The following EPHA6 variants were observed in gnomAD, a reference collection of about 807,000 sequenced individuals.
The protein encoded by EPHA6 is ephrin type-A receptor 6.
In EPHA6, 50 loss-of-function variants were observed where a neutral mutation model predicts 112.0. The observed-to-expected ratio is 0.45, with a 90% CI of 0.36 to 0.56. The LOEUF (loss-of-function observed/expected upper bound fraction) is 0.56. Among genes scored for constraint, EPHA6 ranks in the 20% least tolerant of loss-of-function variants. EPHA6 has a pLI of 0.00. For synonymous variants in EPHA6, 529 were observed against 490.7 expected (o/e 1.08, Z -1.03); for missense variants, 1,280 against 1,417.4 (o/e 0.90, Z 1.56).
chr3:96,832,684 T>G (rs955838112), intron 1 of EPHA6, among the ~76,000 whole-genome samples: 1 of 152,072 alleles, frequency 6.6e-6, no homozygotes, highest in Admixed American at 6.6e-5. Context: ...CTTTTAAAAA[T>G]AAATTGATTC....
chr3:97,012,583 A>ATATG (rs939218226), intron 3 of EPHA6, among the ~76,000 whole-genome samples: 1 of 130,766 alleles, frequency 7.6e-6, no homozygotes, highest in Non-Finnish European at 1.5e-5. Flanking sequence ...TAAAATTTAT[A>ATATG]TATGTGTGTG....
intron 3 of EPHA6, among the ~76,000 whole-genome samples, chr3:97,131,820 G>A (rs2075632006): frequency 6.6e-6 from 1 of 152,090 alleles, no homozygotes; most frequent in Admixed American, 6.5e-5. Flanking sequence ...AAAGTGTTTG[G>A]ATGTCTATAC....
At chr3:97,227,872 CT>C (rs2078406470) in intron 4 of EPHA6, among the ~76,000 whole-genome samples, 1 of 152,170 alleles carries the variant, frequency 6.6e-6, no homozygotes, top group Non-Finnish European at 1.5e-5. Flanking sequence ...GCCAGAACTA[CT>C]CCGTGGTTGG....
intron 5 of EPHA6, among the ~76,000 whole-genome samples, chr3:97,402,102 T>C (rs1452624674): frequency 3.9e-5 from 6 of 152,070 alleles, no homozygotes; most frequent in African/African-American, 9.6e-5. Context: ...GAATGTTCCA[T>C]GTGTATGAGA....
chr3:97,279,922 G>A (rs186880950), intron 5 of EPHA6, among the ~76,000 whole-genome samples: 1 of 151,960 alleles, frequency 6.6e-6, no homozygotes, highest in Non-Finnish European at 1.5e-5. Context: ...TCTTGCTCTT[G>A]TTGCCCAGGC....
In EPHA6 at chr3:97,758,834, G is replaced by C. The variant is rs1021853039; in HGVS notation, c.*10133G>C. On this transcript the variant is annotated 3_prime_UTR_variant, in exon 18 of 18. Coordinates refer to ENST00000389672, the MANE Select transcript of EPHA6 (RefSeq NM_001080448.3). ...TTACAAGCAGAGGGGGATAGTTAAT[G>C]AATGAAAATTTGGAGTGTTGGAGAG... Among the ~76,000 whole-genome samples the C allele has an allele frequency of 2.0e-5, 3 of 151,884 alleles. No individual in the cohort carries two copies. The highest frequency in any genetic ancestry group is 6.6e-5 in the Admixed American group (1 of 15,246).
intron 4 of EPHA6, among the ~76,000 whole-genome samples, chr3:97,227,672 G>A (rs1452160631): frequency 2.6e-5 from 4 of 152,164 alleles, no homozygotes; most frequent in Non-Finnish European, 4.4e-5. Flanking sequence ...ATTAAATAAC[G>A]CTATAGGAGT....
intron 5 of EPHA6, among the ~76,000 whole-genome samples, chr3:97,283,481 T>C (rs983437739): frequency 5.3e-5 from 8 of 152,118 alleles, no homozygotes; most frequent in Admixed American, 3.9e-4. Flanking sequence ...TAAACTAGCC[T>C]AGATATGGTG....
chr3:97,631,520 CTTA>C (rs1285866949), intron 13 of EPHA6, among the ~76,000 whole-genome samples: 1 of 151,950 alleles, frequency 6.6e-6, no homozygotes, highest in Non-Finnish European at 1.5e-5. Flanking sequence ...AGTGTCATTT[CTTA>C]TAATTCATAG....
chr3:97,318,067 A>G (rs547843986), intron 5 of EPHA6, among the ~76,000 whole-genome samples: 2 of 152,148 alleles, frequency 1.3e-5, no homozygotes, highest in African/African-American at 4.8e-5. Context: ...GAATTTAGAA[A>G]CAATTAGGAG....
chr3:97,464,855 G>A (rs1351362415), intron 7 of EPHA6, among the ~76,000 whole-genome samples: 2 of 152,138 alleles, frequency 1.3e-5, no homozygotes, highest in African/African-American at 4.8e-5. Context: ...TTGATCAATT[G>A]CCTTTTGTCT....
At chr3:97,368,439 T>C (rs1471667687) in intron 5 of EPHA6, among the ~76,000 whole-genome samples, 1 of 152,160 alleles carries the variant, frequency 6.6e-6, no homozygotes, top group Non-Finnish European at 1.5e-5. Context: ...CAAAAATAAA[T>C]ATAGCATTTT....
chr3:97,419,679 A>G (rs1577328358), intron 6 of EPHA6, among the ~76,000 whole-genome samples: 1 of 152,278 alleles, frequency 6.6e-6, no homozygotes, highest in East Asian at 1.9e-4. Context: ...CAGTAAGTCC[A>G]GGGAAAGTAG....
chr3:97,625,815 CAA>C (rs1225091645), intron 13 of EPHA6, among the ~76,000 whole-genome samples: 1 of 151,542 alleles, frequency 6.6e-6, no homozygotes, highest in Non-Finnish European at 1.5e-5. Flanking sequence ...CTTGATAAAA[CAA>C]AAGATTTAAG....
At chr3:97,357,916 T>A (rs955372557) in intron 5 of EPHA6, among the ~76,000 whole-genome samples, 2 of 152,118 alleles carry the variant, frequency 1.3e-5, no homozygotes, top group Non-Finnish European at 2.9e-5. Context: ...CAATTTCACA[T>A]TGAGTAGGCT....
chr3:96,867,923 A>C (rs1576186531), intron 2 of EPHA6, among the ~76,000 whole-genome samples: 1 of 151,946 alleles, frequency 6.6e-6, no homozygotes, highest in Non-Finnish European at 1.5e-5. Context: ...GCTTCTTTAA[A>C]TTTGTAAGTT....
At chr3:97,523,878 C>A (rs1182924221) in intron 10 of EPHA6, among the ~76,000 whole-genome samples, 1 of 151,902 alleles carries the variant, frequency 6.6e-6, no homozygotes, top group Non-Finnish European at 1.5e-5. Context: ...GCATAATCAC[C>A]TCACTCTGTA....
chr3:97,589,942 G>A (rs1045524449), intron 11 of EPHA6, among the ~76,000 whole-genome samples: 2 of 152,090 alleles, frequency 1.3e-5, no homozygotes, highest in African/African-American at 4.8e-5. Flanking sequence ...GACAGAGTTA[G>A]CAACTTAAGC....
chr3:96,986,062 A>G (rs186851580), intron 2 of EPHA6, among the ~76,000 whole-genome samples: 5 of 152,316 alleles, frequency 3.3e-5, no homozygotes, highest in African/African-American at 9.6e-5. Context: ...ATGTTTTCCC[A>G]AAAATGCCAT....
Sources: allele counts gnomAD v4.1 joint callset (sites outside exome capture counted in the v4.1 genomes callset), GRCh38; gene constraint gnomAD v4.1.1; transcripts MANE v1.5; gene names NCBI Gene and HGNC (gene_info 2026-07-23, HGNC 2026-07-21).